The following ITGB5 variants were observed in gnomAD, a reference collection of about 807,000 sequenced individuals.
The protein encoded by ITGB5 is integrin beta-5.
ITGB5 carries 38 observed loss-of-function variants against 84.8 expected under a neutral mutation model. The ratio of observed to expected loss-of-function variants is 0.45; its 90% CI spans 0.35 to 0.59. ITGB5 has a LOEUF of 0.59. Ranked by LOEUF, ITGB5 falls within the 20% of genes least tolerant of loss-of-function variation. The pLI is 0.01. For synonymous variants in ITGB5, 393 were observed against 414.4 expected (o/e 0.95, Z 0.63); for missense variants, 905 against 1,034.5 (o/e 0.87, Z 1.72).
intron 4 of ITGB5, 83 bp from the exon 5 acceptor site, chr3:124,841,634 T>TCTCAAGGCAC: frequency 2.2e-6 from 3 of 1,375,006 alleles, no homozygotes; most frequent in Non-Finnish European, 3.0e-6. Flanking sequence ...ACTGAGTGCC[T>TCTCAAGGCAC]TGAGAGGCAC....
intron 5 of ITGB5, among the ~76,000 whole-genome samples, chr3:124,822,720 C>T (rs961349819): frequency 6.6e-6 from 1 of 152,154 alleles, no homozygotes; most frequent in African/African-American, 2.4e-5. Flanking sequence ...AATATTCATC[C>T]AGCATTCAAT....
upstream of ITGB5, chr3:124,887,626 T>G (rs996953145): frequency 4.7e-6 from 2 of 428,832 alleles, no homozygotes; most frequent in Admixed American, 2.4e-5. Flanking sequence ...TCGAAACCAC[T>G]GAGTAGAGCC....
chr3:124,856,060 C>G (rs1291033241), intron 3 of ITGB5, among the ~76,000 whole-genome samples: 1 of 152,056 alleles, frequency 6.6e-6, no homozygotes, highest in Non-Finnish European at 1.5e-5. Flanking sequence ...CCACCTCAGT[C>G]TCCCCCATAG....
At chr3:124,870,498 G>A (rs1262909434) in intron 2 of ITGB5, among the ~76,000 whole-genome samples, 1 of 152,136 alleles carries the variant, frequency 6.6e-6, no homozygotes, top group Non-Finnish European at 1.5e-5. Flanking sequence ...GGAGGCCAAG[G>A]TGGGTGGATC....
intron 5 of ITGB5, among the ~76,000 whole-genome samples, chr3:124,829,598 G>A (rs1272557172): frequency 1.3e-5 from 2 of 152,090 alleles, no homozygotes; most frequent in Non-Finnish European, 1.5e-5. Context: ...GCCCTAGGAT[G>A]CCTTTCAGCC....
chr3:124,889,610 C>T (rs779619097), upstream of ITGB5, among the ~76,000 whole-genome samples: 26 of 152,282 alleles, frequency 1.7e-4, no homozygotes, highest in African/African-American at 2.6e-4. Flanking sequence ...TGATGTAAAA[C>T]GCTTGTCCCT....
At chr3:124,770,178 A>G (rs1013058828) in intron 11 of ITGB5, 6 of 152,204 alleles carry the variant, frequency 3.9e-5, no homozygotes, top group Admixed American at 3.3e-4. Context: ...GGATGGGGCT[A>G]TAAGATGGTG....
Position 124,769,114 on chromosome 3 carries a change from CT to C in ITGB5, c.1917-2del. The C allele has an allele frequency of 6.2e-7, 1 of 1,613,752 alleles. No homozygotes were observed. The highest frequency in any genetic ancestry group is 8.5e-7 in the Non-Finnish European group (1 of 1,179,806). On this transcript the variant is annotated splice_acceptor_variant, in intron 11 of 14. Coordinates refer to ENST00000296181, the MANE Select transcript of ITGB5 (RefSeq NM_002213.5). LOFTEE classifies it high-confidence loss of function. ...GAGCAGCAGGCACTCGACGCAATCT[CT>C]TTGGAAAAGAGGAGATAAAGGTGGG...
chr3:124,837,064 G>A (rs1559960861), intron 5 of ITGB5, among the ~76,000 whole-genome samples: 1 of 152,176 alleles, frequency 6.6e-6, no homozygotes, highest in Non-Finnish European at 1.5e-5. Flanking sequence ...ATAGAATACT[G>A]TGCAGCCAGC....
At chr3:124,887,543 GACCGGCCCGGGACGCGGAGGCCCT>G (rs1327370275), upstream of ITGB5, 2 of 259,826 alleles carry the variant, frequency 7.7e-6, no homozygotes, top group Non-Finnish European at 1.6e-5. Context: ...CCTGTGCGGG[GACCGGCCCGGGACGCGGAGGCCCT>G]ACGGGCCCAG....
upstream of ITGB5, among the ~76,000 whole-genome samples, chr3:124,889,785 G>T (rs979800964): frequency 6.6e-6 from 1 of 152,112 alleles, no homozygotes; most frequent in East Asian, 1.9e-4. Flanking sequence ...AGACCCAGTC[G>T]GGTGGATAGC....
intron 1 of ITGB5, among the ~76,000 whole-genome samples, chr3:124,876,435 G>A (rs1934317345): frequency 6.6e-6 from 1 of 152,072 alleles, no homozygotes; most frequent in Non-Finnish European, 1.5e-5. Flanking sequence ...CTTCTCCTTT[G>A]TCACTAGCAG....
chr3:124,806,424 ATTTTTTTTTTTTTTTT>A (rs71145488), intron 9 of ITGB5, among the ~76,000 whole-genome samples: 1 of 72,774 alleles, frequency 1.4e-5, no homozygotes, highest in Non-Finnish European at 2.6e-5. Flanking sequence ...GCCTCATTCC[ATTTTTTTTTTTTTTTT>A]TTTTTTTTTT....
At chr3:124,823,914 G>T (rs760220796) in intron 5 of ITGB5, among the ~76,000 whole-genome samples, 1 of 152,214 alleles carries the variant, frequency 6.6e-6, no homozygotes, top group South Asian at 2.1e-4. Flanking sequence ...TTGACAAATT[G>T]TATTAAGAAC....
chr3:124,878,529 TCTGCA>T (rs1934427640), intron 1 of ITGB5: 1 of 151,792 alleles, frequency 6.6e-6, no homozygotes, highest in Non-Finnish European at 1.5e-5. Context: ...TTCAAGAAAC[TCTGCA>T]CTTAACACAC....
chr3:124,895,876 G>C (rs955750068), intron 1 of ITGB5, among the ~76,000 whole-genome samples: 5 of 152,180 alleles, frequency 3.3e-5, no homozygotes, highest in Admixed American at 6.5e-5. Flanking sequence ...CCATCAATTA[G>C]CTGAGCAACC....
intron 1 of ITGB5, among the ~76,000 whole-genome samples, chr3:124,896,076 CA>C (rs1701839035): frequency 6.6e-6 from 1 of 152,210 alleles, no homozygotes; most frequent in Non-Finnish European, 1.5e-5. Context: ...AATGTGCTTG[CA>C]TAGAAGACGG....
intron 13 of ITGB5, among the ~76,000 whole-genome samples, chr3:124,765,656 C>G (rs2063755533): frequency 6.6e-6 from 1 of 152,228 alleles, no homozygotes; most frequent in African/African-American, 2.4e-5. Flanking sequence ...TGCCCTGACT[C>G]ACGCTCCCAC....
chr3:124,817,839 G>T, intron 7 of ITGB5, 129 bp from the exon 8 acceptor site: 2 of 602,266 alleles, frequency 3.3e-6, no homozygotes, highest in Non-Finnish European at 5.7e-6. Context: ...CTCCCACCAT[G>T]AACTAAAGAA....
Sources: allele counts gnomAD v4.1 joint callset (sites outside exome capture counted in the v4.1 genomes callset), GRCh38; gene constraint gnomAD v4.1.1; transcripts MANE v1.5; gene names NCBI Gene and HGNC (gene_info 2026-07-23, HGNC 2026-07-21).